Variants in ZNF385D observed in about 807,000 individuals in gnomAD.
ZNF385D encodes zinc finger protein 659.
In ZNF385D, 15 loss-of-function variants were observed where a neutral mutation model predicts 35.8. That is an observed-to-expected ratio of 0.42 (90% CI 0.28 to 0.64). ZNF385D has a LOEUF of 0.64. Ranked by LOEUF, ZNF385D falls within the 30% of genes least tolerant of loss-of-function variation. The probability of loss-of-function intolerance (pLI) is 0.23; values close to 1 mark genes in which losing one functional copy is unlikely to be tolerated. For synonymous variants in ZNF385D, 212 were observed against 186.8 expected (o/e 1.13, Z -1.10); for missense variants, 474 against 494.6 (o/e 0.96, Z 0.39).
At chr3:22,071,774 G>A (rs773704656) in intron 3 of ZNF385D, among the ~76,000 whole-genome samples, 1 of 152,020 alleles carries the variant, frequency 6.6e-6, no homozygotes, top group Non-Finnish European at 1.5e-5. Flanking sequence ...TTAGTAAAAG[G>A]CCTAAATCTA....
At chr3:21,914,953 G>T (rs1559749650) in intron 3 of ZNF385D, among the ~76,000 whole-genome samples, 1 of 151,158 alleles carries the variant, frequency 6.6e-6, no homozygotes. Context: ...AAATTAGTAT[G>T]TGTGCAAATA....
At chr3:21,806,703 A>C (rs749520719) in intron 3 of ZNF385D, among the ~76,000 whole-genome samples, 1 of 152,198 alleles carries the variant, frequency 6.6e-6, no homozygotes, top group Non-Finnish European at 1.5e-5. Context: ...GTTTTCAAAT[A>C]AATTCATAAA....
At chr3:21,827,311 T>A (rs905595109) in intron 3 of ZNF385D, among the ~76,000 whole-genome samples, 2 of 152,196 alleles carry the variant, frequency 1.3e-5, no homozygotes, top group Admixed American at 1.3e-4. Flanking sequence ...TTAATACAGT[T>A]ATGGACAAGT....
chr3:21,815,586 T>A (rs1288200361), intron 3 of ZNF385D, among the ~76,000 whole-genome samples: 1 of 152,036 alleles, frequency 6.6e-6, no homozygotes, highest in Non-Finnish European at 1.5e-5. Flanking sequence ...CTAGAAGAAA[T>A]GGAAAAACTT....
chr3:22,170,046 C>A (rs1402333685), intron 2 of ZNF385D, among the ~76,000 whole-genome samples: 1 of 152,174 alleles, frequency 6.6e-6, no homozygotes, highest in African/African-American at 2.4e-5. Flanking sequence ...TACCTCATTT[C>A]TAAGTTTTCT....
intron 2 of ZNF385D, among the ~76,000 whole-genome samples, chr3:22,335,817 T>C (rs1202890115): frequency 1.3e-5 from 2 of 152,170 alleles, no homozygotes. Flanking sequence ...TTTTAAAATA[T>C]TAATTTGTAA....
At chr3:21,604,228 G>A (rs529815891) in intron 2 of ZNF385D, among the ~76,000 whole-genome samples, 4 of 151,674 alleles carry the variant, frequency 2.6e-5, no homozygotes, top group Non-Finnish European at 5.9e-5. Context: ...TAGATATGGA[G>A]ACCTATGTTT....
chr3:21,661,098 GAA>G (rs1249139165), intron 2 of ZNF385D, among the ~76,000 whole-genome samples: 1 of 152,160 alleles, frequency 6.6e-6, no homozygotes, highest in Non-Finnish European at 1.5e-5. Flanking sequence ...ATGACTCCAT[GAA>G]AGAGAACGGA....
At chr3:21,979,232 G>A (rs1466711769) in intron 3 of ZNF385D, among the ~76,000 whole-genome samples, 1 of 151,890 alleles carries the variant, frequency 6.6e-6, no homozygotes, top group Non-Finnish European at 1.5e-5. Context: ...TTATTGCCCT[G>A]TATAACTGCA....
intron 2 of ZNF385D, among the ~76,000 whole-genome samples, chr3:22,250,877 G>C (rs1700026546): frequency 6.6e-6 from 1 of 151,948 alleles, no homozygotes; most frequent in African/African-American, 2.4e-5. Context: ...CTTAATCCAT[G>C]GGATCCAAAG....
At chr3:21,961,122 C>A (rs1469979709) in intron 3 of ZNF385D, among the ~76,000 whole-genome samples, 1 of 151,900 alleles carries the variant, frequency 6.6e-6, no homozygotes, top group African/African-American at 2.4e-5. Flanking sequence ...TGTTAATTAT[C>A]CTGATTTGAG....
At chr3:21,903,550 C>T (rs1248184489) in intron 3 of ZNF385D, among the ~76,000 whole-genome samples, 1 of 152,104 alleles carries the variant, frequency 6.6e-6, no homozygotes, top group African/African-American at 2.4e-5. Flanking sequence ...AGAACTTTTA[C>T]AAGTTGATGG....
At chr3:22,286,815 T>C (rs1702048224) in intron 2 of ZNF385D, among the ~76,000 whole-genome samples, 1 of 152,112 alleles carries the variant, frequency 6.6e-6, no homozygotes, top group South Asian at 2.1e-4. Flanking sequence ...TTCTGAAGAA[T>C]CATCCACGTG....
intron 3 of ZNF385D, among the ~76,000 whole-genome samples, chr3:21,899,750 A>G (rs1034862923): frequency 6.6e-6 from 1 of 152,124 alleles, no homozygotes; most frequent in Non-Finnish European, 1.5e-5. Flanking sequence ...TACTAAACAT[A>G]ATATATTTGC....
chr3:21,899,576 T>C (rs1699300322), intron 3 of ZNF385D, among the ~76,000 whole-genome samples: 1 of 152,108 alleles, frequency 6.6e-6, no homozygotes, highest in Non-Finnish European at 1.5e-5. Flanking sequence ...GAACCACTGT[T>C]AGATCATGCC....
chr3:22,268,324 T>C (rs1351142299), intron 2 of ZNF385D, among the ~76,000 whole-genome samples: 1 of 152,040 alleles, frequency 6.6e-6, no homozygotes, highest in Non-Finnish European at 1.5e-5. Flanking sequence ...ATAATTGCAA[T>C]AAATGTACTT....
intron 2 of ZNF385D, among the ~76,000 whole-genome samples, chr3:22,346,769 A>C (rs1695676169): frequency 1.3e-5 from 2 of 152,222 alleles, no homozygotes; most frequent in Admixed American, 1.3e-4. Flanking sequence ...ATTTTATACT[A>C]ATCATGAAAA....
At chr3:22,275,597 T>A (rs1260354240) in intron 2 of ZNF385D, among the ~76,000 whole-genome samples, 1 of 152,140 alleles carries the variant, frequency 6.6e-6, no homozygotes, top group Non-Finnish European at 1.5e-5. Flanking sequence ...AATATTCTTA[T>A]CTAAAAGAAT....
chr3:21,822,094 C>T (rs535097972), intron 3 of ZNF385D, among the ~76,000 whole-genome samples: 94 of 151,706 alleles, frequency 6.2e-4, no homozygotes, highest in African/African-American at 2.1e-3. Context: ...TTTTTTGACA[C>T]GGAATCTCAC....
Sources: gnomAD v4.1 joint callset for allele counts (sites outside exome capture counted in the v4.1 genomes callset) on GRCh38, gnomAD v4.1.1 for gene constraint, MANE v1.5 for transcripts, NCBI Gene and HGNC (gene_info 2026-07-23, HGNC 2026-07-21) for gene names.